RARB: variants seen among roughly 807,000 people sequenced by gnomAD.
RARB encodes the protein HBV-activated protein.
Under a neutral mutation model 51.9 loss-of-function variants are expected in RARB, and 17 were observed. The ratio of observed to expected loss-of-function variants is 0.33; its 90% CI spans 0.22 to 0.49. The LOEUF is 0.49. Ranked by LOEUF, RARB falls within the 20% of genes least tolerant of loss-of-function variation. The pLI is 0.99. For synonymous variants in RARB, 215 were observed against 195.4 expected (o/e 1.10, Z -0.84); for missense variants, 369 against 550.8 (o/e 0.67, Z 3.30).
chr3:25,483,601 A>G (rs1395741286), intron 2 of RARB, among the ~76,000 whole-genome samples: 2 of 145,878 alleles, frequency 1.4e-5, no homozygotes, highest in African/African-American at 5.1e-5. Flanking sequence ...TCTGGTTCAG[A>G]TGGTGCAAAT....
chr3:24,978,065 G>C (rs558838481), intron 2 of RARB, among the ~76,000 whole-genome samples: 2 of 152,082 alleles, frequency 1.3e-5, no homozygotes, highest in Non-Finnish European at 2.9e-5. Context: ...ATTGATTTGC[G>C]TATGTTGAAC....
intron 2 of RARB, among the ~76,000 whole-genome samples, chr3:25,494,253 G>GCACGCGCGCGCGCGCGCGCACACACA (rs1553623182): frequency 7.6e-5 from 10 of 131,968 alleles, no homozygotes; most frequent in Middle Eastern, 3.8e-3. Flanking sequence ...TGTATCTTAC[G>GCACGCGCGCGCGCGCGCGCACACACA]CACACACACA....
chr3:25,010,234 C>A (rs1390071961), intron 2 of RARB, among the ~76,000 whole-genome samples: 1 of 152,012 alleles, frequency 6.6e-6, no homozygotes, highest in African/African-American at 2.4e-5. Flanking sequence ...AAATGTCTTT[C>A]CTACAGTGAG....
chr3:25,047,025 G>A (rs1377265117), intron 2 of RARB, among the ~76,000 whole-genome samples: 1 of 152,064 alleles, frequency 6.6e-6, no homozygotes, highest in Non-Finnish European at 1.5e-5. Context: ...TTTATTTGTG[G>A]TGTATCATTG....
At chr3:25,590,116 G>A (rs972813932) in intron 5 of RARB, among the ~76,000 whole-genome samples, 5 of 150,632 alleles carry the variant, frequency 3.3e-5, no homozygotes, top group Non-Finnish European at 5.9e-5. Flanking sequence ...GGCCATGTGC[G>A]TTCCCTCTCT....
Position 25,040,967 on chromosome 3 carries a change from A to G in RARB, c.-379-19158A>G, listed in dbSNP as rs138088801. On this transcript the variant is annotated intron_variant, in intron 2 of 11. Transcript: ENST00000383772. ...TTTGAGGGCAAAAGTTTTTGGTTGC[A>G]TCATTCATGCTGTATCAACGGAAAT... Among the ~76,000 whole-genome samples the G allele has an allele frequency of 4.6e-5, 7 of 152,312 alleles. No homozygotes were observed. The East Asian group carries it at 1.4e-3, about 29-fold the overall frequency.
At chr3:25,332,192 T>C (rs1454760964) in intron 5 of RARB, among the ~76,000 whole-genome samples, 1 of 152,182 alleles carries the variant, frequency 6.6e-6, no homozygotes, top group African/African-American at 2.4e-5. Context: ...AGCATCATCC[T>C]GATACCAAAG....
At chr3:25,506,086 A>AT (rs1697574042) in intron 3 of RARB, among the ~76,000 whole-genome samples, 2 of 151,942 alleles carry the variant, frequency 1.3e-5, no homozygotes, top group South Asian at 4.2e-4. Flanking sequence ...TCAGCAAACC[A>AT]TTTTTTAAAA....
chr3:24,989,256 G>C (rs988676483), intron 2 of RARB, among the ~76,000 whole-genome samples: 1 of 152,216 alleles, frequency 6.6e-6, no homozygotes, highest in Non-Finnish European at 1.5e-5. Context: ...ATCAGAATGG[G>C]ATATTGAATA....
chr3:25,331,032 T>G (rs981785887), intron 5 of RARB, among the ~76,000 whole-genome samples: 1 of 152,146 alleles, frequency 6.6e-6, no homozygotes, highest in Non-Finnish European at 1.5e-5. Flanking sequence ...AAGCAAGTCC[T>G]TAGAGACCTA....
intron 5 of RARB, among the ~76,000 whole-genome samples, chr3:25,257,117 C>G (rs1282602513): frequency 1.3e-5 from 2 of 152,106 alleles, no homozygotes; most frequent in Non-Finnish European, 2.9e-5. Flanking sequence ...AGGGAATGAA[C>G]TTACCAGCAA....
intron 5 of RARB, among the ~76,000 whole-genome samples, chr3:25,386,016 A>C (rs1232961004): frequency 1.3e-5 from 2 of 152,206 alleles, no homozygotes; most frequent in Non-Finnish European, 2.9e-5. Context: ...CCCAGGATCC[A>C]GCACATTTCC....
chr3:25,202,907 T>C lies in RARB; in HGVS notation c.178+28332T>C, dbSNP rs191441865. ...AATGTGGTGCTGAGAAGAATGTATA[T>C]TTTGTTGATTTGGGGTGGAGAGTTC... On this transcript the variant is annotated intron_variant, in intron 5 of 11. Transcript: ENST00000383772. Among the ~76,000 whole-genome samples the C allele has an allele frequency of 9.9e-3, 1,511 of 152,322 alleles. 104 individuals are homozygous for C. Among genetic ancestry groups the C allele is most frequent in the Admixed American group, 0.092 (1,405 of 15,298 alleles).
intron 5 of RARB, among the ~76,000 whole-genome samples, chr3:25,584,136 C>G (rs1701291721): frequency 6.6e-6 from 1 of 152,182 alleles, no homozygotes; most frequent in African/African-American, 2.4e-5. Flanking sequence ...TCTGCCTCTT[C>G]TCTCCCTCCA....
At chr3:24,983,569 C>T (rs1344965541) in intron 2 of RARB, among the ~76,000 whole-genome samples, 1 of 152,046 alleles carries the variant, frequency 6.6e-6, no homozygotes, top group Non-Finnish European at 1.5e-5. Context: ...GTGTGTGGTG[C>T]TCCCCTCCCT....
chr3:25,508,961 A>G (rs1881706), intron 3 of RARB, among the ~76,000 whole-genome samples: 80,961 of 151,956 alleles, frequency 0.53, 26,128 homozygotes, highest in South Asian at 0.78. Flanking sequence ...TGGGACTCAA[A>G]GCCCATTAAC....
At chr3:25,482,830 G>A (rs932714524) in intron 2 of RARB, among the ~76,000 whole-genome samples, 17 of 151,874 alleles carry the variant, frequency 1.1e-4, no homozygotes, top group African/African-American at 3.9e-4. Flanking sequence ...TGAGCCACCC[G>A]CCTAGCCCTC....
At chr3:25,532,060 C>T (rs1153605) in intron 3 of RARB, among the ~76,000 whole-genome samples, 38,354 of 151,908 alleles carry the variant, frequency 0.25, 5,963 homozygotes, top group African/African-American at 0.44. Context: ...TGGTTCTATA[C>T]AGCTCTTGAC....
At chr3:24,893,372 T>C (rs879885445) in intron 2 of RARB, among the ~76,000 whole-genome samples, 3 of 152,258 alleles carry the variant, frequency 2.0e-5, no homozygotes, top group Admixed American at 6.5e-5. Flanking sequence ...TTAATATTCA[T>C]TTAAATGCTT....
Sources: gnomAD v4.1 joint callset for allele counts (sites outside exome capture counted in the v4.1 genomes callset) on GRCh38, gnomAD v4.1.1 for gene constraint, MANE v1.5 for transcripts, NCBI Gene and HGNC (gene_info 2026-07-23, HGNC 2026-07-21) for gene names.